Variants in NEIL3 observed in about 807,000 individuals in gnomAD.
NEIL3 encodes nei like DNA glycosylase 3.
NEIL3 carries 48 observed loss-of-function variants against 57.5 expected under a neutral mutation model. The ratio of observed to expected loss-of-function variants is 0.83; its 90% CI spans 0.66 to 1.06. The LOEUF (loss-of-function observed/expected upper bound fraction) is 1.06, where lower values mean the gene tolerates loss of function less well. NEIL3 is among the 50% of genes least tolerant of loss of function. NEIL3 has a pLI of 0.00. For missense variants in NEIL3, 717 were observed against 739.1 expected (o/e 0.97, Z 0.35); for synonymous variants, 261 against 253.2 (o/e 1.03, Z -0.29).
At chr4:177,338,436 C>T (rs1735020143) in intron 4 of NEIL3, among the ~76,000 whole-genome samples, 1 of 152,180 alleles carries the variant, frequency 6.6e-6, no homozygotes, top group African/African-American at 2.4e-5. Flanking sequence ...TACACACATG[C>T]AGGCTTCACA....
At chr4:177,316,691 C>G (rs997629475) in intron 1 of NEIL3, among the ~76,000 whole-genome samples, 7 of 152,094 alleles carry the variant, frequency 4.6e-5, no homozygotes, top group African/African-American at 1.7e-4. Flanking sequence ...CAAATGTGCA[C>G]TGAACCTCAG....
At chr4:177,359,095 C>T (rs1735547975) in intron 8 of NEIL3, among the ~76,000 whole-genome samples, 1 of 152,088 alleles carries the variant, frequency 6.6e-6, no homozygotes, top group African/African-American at 2.4e-5. Context: ...GGTTGGTGAA[C>T]TGAAAGGTTG....
intron 1 of NEIL3, among the ~76,000 whole-genome samples, chr4:177,314,948 AG>A (rs1238977340): frequency 4.0e-5 from 6 of 151,746 alleles, no homozygotes; most frequent in Non-Finnish European, 8.8e-5. Flanking sequence ...GGACGCCTGT[AG>A]TCCCAGCTAC....
intron 1 of NEIL3, among the ~76,000 whole-genome samples, chr4:177,314,639 G>C (rs756993082): frequency 1.1e-4 from 16 of 152,142 alleles, no homozygotes; most frequent in Non-Finnish European, 1.9e-4. Flanking sequence ...GTCTGAGTAA[G>C]TGCTTGAAGG....
chr4:177,362,256 A>G (rs758761236), intron 9 of NEIL3, 33 bp from the exon 10 acceptor site: 3 of 1,564,396 alleles, frequency 1.9e-6, no homozygotes. Context: ...TAACTTTTGT[A>G]TAAACTTGTA....
chr4:177,323,527 C>T (rs1045044908), intron 2 of NEIL3, among the ~76,000 whole-genome samples: 1 of 152,148 alleles, frequency 6.6e-6, no homozygotes, highest in Admixed American at 6.5e-5. Flanking sequence ...GTTCTCTTTT[C>T]ATTGTCAGCA....
chr4:177,354,372 A>G (rs2110934051), intron 8 of NEIL3: 2 of 152,198 alleles, frequency 1.3e-5, no homozygotes, highest in South Asian at 4.1e-4. Flanking sequence ...ATAACCAGTT[A>G]GCATTTTTTA....
intron 4 of NEIL3, 123 bp downstream of exon 4, chr4:177,336,444 C>A (rs1483789604): frequency 7.0e-6 from 5 of 718,506 alleles, no homozygotes; most frequent in Admixed American, 2.8e-5. Flanking sequence ...GTCCCGCTTC[C>A]CATTTCTACC....
intron 2 of NEIL3, 62 bp from the exon 3 acceptor site, chr4:177,335,626 G>A (rs1187286237): frequency 3.3e-6 from 5 of 1,525,662 alleles, no homozygotes; most frequent in Non-Finnish European, 4.5e-6. Context: ...TGATAGTACA[G>A]GAAAAAAGCT....
At position 177,362,531 on chromosome 4, in the gene NEIL3, C is replaced by A; in HGVS notation, c.*60C>A. The A allele has an allele frequency of 7.8e-7, 1 of 1,287,184 alleles. No individual in the cohort carries two copies. The highest frequency in any genetic ancestry group is 1.1e-6 in the Non-Finnish European group (1 of 933,992). 79.7% of individuals were successfully genotyped at this position (1,287,184 alleles called of 1,614,324 possible). ...ACTGTGTATAATGTTTGGTCCTCCT[C>A]TGTTTCATAGAAAAGTCATAGAATA... is the stretch of plus-strand genomic sequence containing the variant. On this transcript the variant is annotated 3_prime_UTR_variant, in exon 10 of 10. Transcript: ENST00000264596.
intron 1 of NEIL3, among the ~76,000 whole-genome samples, chr4:177,313,184 G>A (rs1482419295): frequency 1.3e-4 from 20 of 152,096 alleles, no homozygotes; most frequent in Admixed American, 1.2e-3. Context: ...TATTTAATGG[G>A]CATTCAAAAT....
chr4:177,338,024 T>TCA (rs35763650), intron 4 of NEIL3, among the ~76,000 whole-genome samples: 27,553 of 149,328 alleles, frequency 0.18, 2,535 homozygotes, highest in Non-Finnish European at 0.22. Flanking sequence ...TCTCTCTCTC[T>TCA]CACACACACA....
rs1039018878 is a variant in NEIL3 at position 177,328,839 on chromosome 4, CAT to C, written c.278+6262_278+6263del. Among the ~76,000 whole-genome samples, 10 of 152,220 alleles carry C rather than the reference CAT, an allele frequency of 6.6e-5. No homozygotes were observed. In the East Asian group the frequency reaches 1.2e-3, roughly 18 times the overall value. Reference sequence around the variant, plus strand: ...TAACAATTTATTGTGGACTTTATAACATATGTCAGAGTAAAATGCATTGCAAC... The same window carrying C: ...TAACAATTTATTGTGGACTTTATAACATGTCAGAGTAAAATGCATTGCAAC... On this transcript the variant is annotated intron_variant, in intron 2 of 9. Transcript: ENST00000264596.
At chr4:177,348,720 C>A (rs1300675133) in intron 6 of NEIL3, among the ~76,000 whole-genome samples, 1 of 151,972 alleles carries the variant, frequency 6.6e-6, no homozygotes, top group African/African-American at 2.4e-5. Context: ...ACGGGATTTG[C>A]TGATGGACTG....
intron 9 of NEIL3, among the ~76,000 whole-genome samples, 157 bp from the exon 10 acceptor site, chr4:177,362,132 T>C (rs921000356): frequency 5.9e-5 from 9 of 152,218 alleles, no homozygotes; most frequent in Non-Finnish European, 4.4e-5. Context: ...TATAAGCTTT[T>C]TTAAAGGCGA....
chr4:177,366,397 T>C (rs193138458), downstream of NEIL3, among the ~76,000 whole-genome samples: 69 of 152,282 alleles, frequency 4.5e-4, no homozygotes, highest in African/African-American at 1.4e-3. Context: ...CCATTATCTC[T>C]TCCAATACTT....
At chr4:177,315,692 C>A (rs1486009000) in intron 1 of NEIL3, among the ~76,000 whole-genome samples, 1 of 152,106 alleles carries the variant, frequency 6.6e-6, no homozygotes, top group Non-Finnish European at 1.5e-5. Flanking sequence ...GCTCTTAAAA[C>A]AAGTAGAACA....
At chr4:177,311,132 A>G (rs1024116878) in intron 1 of NEIL3, among the ~76,000 whole-genome samples, 1 of 152,102 alleles carries the variant, frequency 6.6e-6, no homozygotes, top group Non-Finnish European at 1.5e-5. Flanking sequence ...TGGATTTTAG[A>G]TGGTTTCTTA....
chr4:177,362,274 C>CT lies in NEIL3; in HGVS notation c.1636-8dup. ...CTTTTGTATAAACTTGTAAATTTAC[C>CT]TTTTTTTCCTGCAGTGGGCAGATTT... On this transcript the variant is annotated splice_polypyrimidine_tract_variant and intron_variant, in intron 9 of 9. Coordinates refer to ENST00000264596, the MANE Select transcript of NEIL3 (RefSeq NM_018248.3). 1.3e-6 allele frequency: 2 copies of CT among 1,584,550 alleles called. No individual in the cohort carries two copies. The highest frequency in any genetic ancestry group is 1.2e-5 in the South Asian group (1 of 86,184).
Sources: gnomAD v4.1 joint callset for allele counts (sites outside exome capture counted in the v4.1 genomes callset) on GRCh38, gnomAD v4.1.1 for gene constraint, MANE v1.5 for transcripts, NCBI Gene and HGNC (gene_info 2026-07-23, HGNC 2026-07-21) for gene names.